The following IMMP2L variants were observed in gnomAD, a reference collection of about 807,000 sequenced individuals.
IMMP2L encodes the protein inner mitochondrial membrane peptidase subunit 2, also known as mitochondrial inner membrane protease subunit 2.
Under a neutral mutation model 19.3 loss-of-function variants are expected in IMMP2L, and 18 were observed. The ratio of observed to expected loss-of-function variants is 0.93; its 90% CI spans 0.64 to 1.38. The LOEUF is 1.38. Among genes scored for constraint, IMMP2L ranks in the 40% most tolerant of loss-of-function variants. The pLI is 0.00. For missense variants in IMMP2L, 233 were observed against 218.2 expected (o/e 1.07, Z -0.43); for synonymous variants, 76 against 73.0 (o/e 1.04, Z -0.21).
chr7:111,050,604 T>C (rs1021393432), intron 3 of IMMP2L, among the ~76,000 whole-genome samples: 1 of 152,212 alleles, frequency 6.6e-6, no homozygotes, highest in African/African-American at 2.4e-5. Flanking sequence ...AAAGTGATCT[T>C]ACAATATGTG....
At chr7:111,155,547 T>G (rs1014971907) in intron 3 of IMMP2L, among the ~76,000 whole-genome samples, 2 of 151,972 alleles carry the variant, frequency 1.3e-5, no homozygotes, top group Non-Finnish European at 2.9e-5. Context: ...CAATAAAAAT[T>G]TTTTCACTAG....
At chr7:110,989,826 A>T (rs946107003) in intron 3 of IMMP2L, among the ~76,000 whole-genome samples, 5 of 151,956 alleles carry the variant, frequency 3.3e-5, no homozygotes, top group African/African-American at 1.2e-4. Flanking sequence ...AAACCTTTTA[A>T]AAGAAATGTT....
At chr7:110,664,732 T>C (rs1320143042) in intron 5 of IMMP2L, 2 of 152,238 alleles carry the variant, frequency 1.3e-5, no homozygotes, top group South Asian at 2.1e-4. Flanking sequence ...GATATTTTAA[T>C]GGTATTTAGA....
chr7:111,336,889 G>C (rs989421390), intron 3 of IMMP2L, among the ~76,000 whole-genome samples: 1 of 150,850 alleles, frequency 6.6e-6, no homozygotes, highest in African/African-American at 2.4e-5. Context: ...TACTGAATAA[G>C]GTAAAGTGGC....
At chr7:110,669,743 A>C (rs1791763327) in intron 5 of IMMP2L, among the ~76,000 whole-genome samples, 1 of 152,190 alleles carries the variant, frequency 6.6e-6, no homozygotes, top group Non-Finnish European at 1.5e-5. Context: ...TTTTGAGCTG[A>C]GACTCAAATG....
chr7:111,149,057 T>C (rs10257531), intron 3 of IMMP2L, among the ~76,000 whole-genome samples: 11,150 of 152,176 alleles, frequency 0.073, 894 homozygotes, highest in African/African-American at 0.19. Context: ...GCTGCTGCTG[T>C]AATAAAAAAT....
At chr7:111,446,397 C>A (rs1389292123) in intron 3 of IMMP2L, among the ~76,000 whole-genome samples, 66 of 147,890 alleles carry the variant, frequency 4.5e-4, no homozygotes, top group Non-Finnish European at 4.6e-4. Flanking sequence ...GGGTCCCTGA[C>A]CCCTGACCCC....
At chr7:111,506,294 T>C (rs2132510532) in intron 2 of IMMP2L, among the ~76,000 whole-genome samples, 1 of 152,152 alleles carries the variant, frequency 6.6e-6, no homozygotes, top group African/African-American at 2.4e-5. Context: ...AGAGGTCTCT[T>C]TCTAAATTGA....
intron 5 of IMMP2L, among the ~76,000 whole-genome samples, chr7:110,814,670 T>C (rs1222725843): frequency 2.7e-5 from 4 of 149,050 alleles, no homozygotes; most frequent in Admixed American, 1.3e-4. Flanking sequence ...AGTAGAATTC[T>C]TTTTCAACAA....
chr7:110,988,235 TA>T (rs1822061533), intron 3 of IMMP2L, among the ~76,000 whole-genome samples: 1 of 152,176 alleles, frequency 6.6e-6, no homozygotes, highest in Non-Finnish European at 1.5e-5. Flanking sequence ...GTAGCAGCCA[TA>T]GGGGCAAGGC....
At chr7:111,051,876 C>T (rs1353346620) in intron 3 of IMMP2L, among the ~76,000 whole-genome samples, 1 of 152,214 alleles carries the variant, frequency 6.6e-6, no homozygotes, top group East Asian at 1.9e-4. Context: ...AAGCCTCCAA[C>T]TGACTCAATG....
chr7:110,872,136 T>A (rs1329650733), intron 5 of IMMP2L, among the ~76,000 whole-genome samples: 1 of 152,258 alleles, frequency 6.6e-6, no homozygotes, highest in Non-Finnish European at 1.5e-5. Context: ...AAGTAGAGAA[T>A]AGAATCTTGA....
rs117247620 is a variant in IMMP2L, at chr7:111,529,031, C to T, written c.-2-7582G>A. On this transcript the variant is annotated intron_variant, in intron 1 of 5. Transcript: ENST00000405709. ...TGTTATAGAACAAGGTCAGCATGGT[C>T]CTTTCTCCACGTAGAGTTTGCATTT... 1.4e-4 allele frequency among the ~76,000 whole-genome samples: 21 copies of T among 152,252 alleles called. No individual in the cohort carries two copies. In the East Asian group the frequency reaches 4.1e-3, roughly 29 times the overall value.
At chr7:111,432,297 G>A (rs1323214893) in intron 3 of IMMP2L, among the ~76,000 whole-genome samples, 1 of 151,576 alleles carries the variant, frequency 6.6e-6, no homozygotes, top group Non-Finnish European at 1.5e-5. Context: ...TTAGAGTAGA[G>A]GAAAAACACA....
intron 3 of IMMP2L, among the ~76,000 whole-genome samples, chr7:111,418,398 G>A (rs1435689966): frequency 6.6e-6 from 1 of 151,646 alleles, no homozygotes; most frequent in Admixed American, 6.6e-5. Context: ...CATCCTAGAT[G>A]TACTGCAATA....
intron 5 of IMMP2L, among the ~76,000 whole-genome samples, chr7:110,856,610 A>T (rs891166912): frequency 6.6e-6 from 1 of 152,072 alleles, no homozygotes; most frequent in Non-Finnish European, 1.5e-5. Context: ...AAGATCTGAC[A>T]TGCTCAAATC....
chr7:110,701,460 G>C (rs1244059095), intron 5 of IMMP2L, among the ~76,000 whole-genome samples: 1 of 151,616 alleles, frequency 6.6e-6, no homozygotes, highest in Non-Finnish European at 1.5e-5. Context: ...GTTTCTTGTT[G>C]CCCAGGCTGG....
intron 5 of IMMP2L, among the ~76,000 whole-genome samples, chr7:110,785,977 G>T (rs1219374919): frequency 6.6e-6 from 1 of 151,674 alleles, no homozygotes; most frequent in African/African-American, 2.4e-5. Flanking sequence ...CGTATTTTCT[G>T]CAAGCCAGTC....
At chr7:110,961,288 G>T (rs542043656) in intron 4 of IMMP2L, among the ~76,000 whole-genome samples, 2 of 151,698 alleles carry the variant, frequency 1.3e-5, no homozygotes, top group South Asian at 4.1e-4. Flanking sequence ...TACATAAAAT[G>T]ATGTAGTATT....
Sources: gnomAD v4.1 joint callset for allele counts (sites outside exome capture counted in the v4.1 genomes callset) on GRCh38, gnomAD v4.1.1 for gene constraint, MANE v1.5 for transcripts, NCBI Gene and HGNC (gene_info 2026-07-23, HGNC 2026-07-21) for gene names.